The following LOC400499 variants were observed in gnomAD, a reference collection of about 807,000 sequenced individuals.
the LOC400499 span, chr16:11,390,167 C>T: frequency 9.2e-5 from 113 of 1,232,272 alleles, no homozygotes; most frequent in African/African-American, 1.2e-4. Flanking sequence ...CCCGTGAGAA[C>T]GTGGCCTCAG....
chr16:11,383,131 T>A, the LOC400499 span, among the ~76,000 whole-genome samples: 5 of 151,462 alleles, frequency 3.3e-5, no homozygotes. Context: ...AGTGGTGCAG[T>A]CTCAGCTCAC....
At chr16:11,459,864 G>C in the LOC400499 span, 12 of 1,335,078 alleles carry the variant, frequency 9.0e-6, no homozygotes, top group East Asian at 5.6e-5. Flanking sequence ...TGGACTCATG[G>C]GGCACGGCTC....
the LOC400499 span, chr16:11,396,380 T>C: frequency 5.8e-6 from 5 of 866,094 alleles, no homozygotes. Flanking sequence ...AGAATGCTGG[T>C]TTGCAGTTCC....
the LOC400499 span, among the ~76,000 whole-genome samples, chr16:11,377,542 CT>C: frequency 6.6e-6 from 1 of 152,144 alleles, no homozygotes; most frequent in Non-Finnish European, 1.5e-5. Flanking sequence ...TTGTTAAATG[CT>C]TTTTCTTCAC....
chr16:11,498,924 T>C, the LOC400499 span, among the ~76,000 whole-genome samples: 185 of 149,588 alleles, frequency 1.2e-3, no homozygotes, highest in African/African-American at 4.3e-3. Context: ...CCTGGGAAAG[T>C]AAAGTACCTT....
chr16:11,379,932 T>C, the LOC400499 span, among the ~76,000 whole-genome samples: 94,149 of 152,016 alleles, frequency 0.62, 30,182 homozygotes, highest in African/African-American at 0.75. Flanking sequence ...GACAGCTCTG[T>C]CCCCCTCCTA....
chr16:11,491,036 G>A, the LOC400499 span, among the ~76,000 whole-genome samples: 3 of 152,152 alleles, frequency 2.0e-5, no homozygotes, highest in Non-Finnish European at 4.4e-5. Flanking sequence ...ATGTCTTTGT[G>A]TATTAACTCA....
chr16:11,457,548 G>C, the LOC400499 span, among the ~76,000 whole-genome samples: 2 of 143,660 alleles, frequency 1.4e-5, no homozygotes, highest in Non-Finnish European at 3.0e-5. Flanking sequence ...AGCCGAGATC[G>C]CACCACTGCA....
chr16:11,450,366 ATT>A, the LOC400499 span, among the ~76,000 whole-genome samples: 3 of 152,020 alleles, frequency 2.0e-5, no homozygotes, highest in Non-Finnish European at 4.4e-5. Context: ...CCTATTTTAT[ATT>A]TCTCTCCCCG....
At chr16:11,488,464 C>T in the LOC400499 span, among the ~76,000 whole-genome samples, 1 of 152,076 alleles carries the variant, frequency 6.6e-6, no homozygotes, top group East Asian at 1.9e-4. Context: ...CTGTCACCCA[C>T]GCTGGAGTGC....
At chr16:11,407,332 G>C in the LOC400499 span, 6 of 386,016 alleles carry the variant, frequency 1.6e-5, no homozygotes, top group Admixed American at 1.4e-4. Flanking sequence ...CCTTGGAGTA[G>C]TGTAGCTGGG....
chr16:11,402,947 G>A, the LOC400499 span, among the ~76,000 whole-genome samples: 1 of 152,124 alleles, frequency 6.6e-6, no homozygotes, highest in Non-Finnish European at 1.5e-5. Context: ...GCCACCGTCT[G>A]CTGTCCTGTG....
chr16:11,495,749 G>T, the LOC400499 span, among the ~76,000 whole-genome samples: 1 of 152,220 alleles, frequency 6.6e-6, no homozygotes, highest in African/African-American at 2.4e-5. Context: ...TGTCACACAC[G>T]TTGCCTTTCT....
the LOC400499 span, chr16:11,448,054 G>C: frequency 3.3e-6 from 5 of 1,535,108 alleles, no homozygotes; most frequent in South Asian, 6.0e-5. Flanking sequence ...AGCCGTGAGC[G>C]ACACCTGGGT....
the LOC400499 span, among the ~76,000 whole-genome samples, chr16:11,376,494 T>C: frequency 3.4e-3 from 520 of 152,354 alleles, 3 homozygotes; most frequent in African/African-American, 0.012. Context: ...ATTGAAATCA[T>C]TTGACCACAT....
chr16:11,410,493 C>T, the LOC400499 span, among the ~76,000 whole-genome samples: 3 of 152,098 alleles, frequency 2.0e-5, no homozygotes, highest in African/African-American at 7.2e-5. Context: ...TAAAGAAGTT[C>T]CCTGAATGAC....
the LOC400499 span, among the ~76,000 whole-genome samples, chr16:11,485,378 C>A: frequency 1.3e-5 from 2 of 152,132 alleles, no homozygotes; most frequent in Admixed American, 1.3e-4. Flanking sequence ...ACCTCCTCTG[C>A]CCCACACACA....
the LOC400499 span, chr16:11,523,315 C>A: frequency 2.5e-6 from 1 of 398,296 alleles, no homozygotes; most frequent in Non-Finnish European, 4.4e-6. Flanking sequence ...CCCTCTGGGG[C>A]TGTCTCTAAT....
At chr16:11,410,749 C>A in the LOC400499 span, among the ~76,000 whole-genome samples, 5 of 152,232 alleles carry the variant, frequency 3.3e-5, no homozygotes. Context: ...GGCCCTGTGC[C>A]AGGCACTAGG....
Sources: gnomAD v4.1 joint callset for allele counts (sites outside exome capture counted in the v4.1 genomes callset) on GRCh38, gnomAD v4.1.1 for gene constraint, MANE v1.5 for transcripts.